MYLK: variants seen among roughly 807,000 people sequenced by gnomAD.
The protein encoded by MYLK is myosin light chain kinase.
Under a neutral mutation model 203.4 loss-of-function variants are expected in MYLK, and 106 were observed. The ratio of observed to expected loss-of-function variants is 0.52; its 90% CI spans 0.45 to 0.61. The LOEUF (loss-of-function observed/expected upper bound fraction) is 0.61, where lower values mean the gene tolerates loss of function less well. MYLK is among the 20% of genes least tolerant of loss of function. The pLI is 0.00. For missense variants in MYLK, 2,072 were observed against 2,442.3 expected (o/e 0.85, Z 3.20); for synonymous variants, 867 against 959.5 (o/e 0.90, Z 1.78).
intron 27 of MYLK, among the ~76,000 whole-genome samples, chr3:123,644,031 T>A (rs2058928788): frequency 6.6e-6 from 1 of 152,190 alleles, no homozygotes; most frequent in Non-Finnish European, 1.5e-5. Flanking sequence ...CCAACTACTA[T>A]ATGGTGGGGG....
At chr3:123,751,670 C>T (rs750280347) in intron 5 of MYLK, among the ~76,000 whole-genome samples, 29 of 152,138 alleles carry the variant, frequency 1.9e-4, no homozygotes, top group Non-Finnish European at 3.8e-4. Context: ...AGAGAAAGTC[C>T]ATCTCCTCCT....
intron 4 of MYLK, among the ~76,000 whole-genome samples, chr3:123,765,669 T>C (rs1444264909): frequency 6.6e-6 from 1 of 151,994 alleles, no homozygotes; most frequent in Non-Finnish European, 1.5e-5. Context: ...AAGCAAAATA[T>C]GATATATGTG....
At chr3:123,657,991 A>G (rs2059444156) in intron 23 of MYLK, among the ~76,000 whole-genome samples, 1 of 152,228 alleles carries the variant, frequency 6.6e-6, no homozygotes, top group Admixed American at 6.5e-5. Context: ...GTCCCCACAC[A>G]GTAGCTGTTA....
chr3:123,768,135 G>C (rs2063763879), intron 4 of MYLK, among the ~76,000 whole-genome samples: 1 of 152,194 alleles, frequency 6.6e-6, no homozygotes, highest in Non-Finnish European at 1.5e-5. Flanking sequence ...CAGCCCAAAA[G>C]AAGCAGGCAT....
At chr3:123,670,063 A>G (rs1451248154) in intron 20 of MYLK, among the ~76,000 whole-genome samples, 1 of 151,160 alleles carries the variant, frequency 6.6e-6, no homozygotes, top group Non-Finnish European at 1.5e-5. Context: ...AAAAGCAAAC[A>G]TAGTAAAATG....
intron 3 of MYLK, among the ~76,000 whole-genome samples, chr3:123,810,995 G>A (rs1426664751): frequency 1.3e-5 from 2 of 152,152 alleles, no homozygotes; most frequent in Non-Finnish European, 2.9e-5. Flanking sequence ...GCTAACACAT[G>A]TTTCTCCTTT....
At chr3:123,840,370 T>TTATATATATA (rs56361020) in intron 2 of MYLK, among the ~76,000 whole-genome samples, 13 of 148,628 alleles carry the variant, frequency 8.7e-5, no homozygotes, top group African/African-American at 3.2e-4. Flanking sequence ...CCTACAGACA[T>TTATATATATA]TATATATATA....
chr3:123,743,410 A>G (rs1012357396), intron 5 of MYLK, among the ~76,000 whole-genome samples: 6 of 152,224 alleles, frequency 3.9e-5, no homozygotes, highest in African/African-American at 1.4e-4. Flanking sequence ...GTTCACATCA[A>G]GACAAAAAGA....
At chr3:123,694,390 C>T (rs1243185616) in intron 18 of MYLK, among the ~76,000 whole-genome samples, 1 of 152,034 alleles carries the variant, frequency 6.6e-6, no homozygotes, top group East Asian at 1.9e-4. Context: ...GAGTAAGAAT[C>T]GTGAGGCACA....
At chr3:123,682,182 C>G in intron 20 of MYLK, 42 bp downstream of exon 20, 1 of 1,527,002 alleles carries the variant, frequency 6.5e-7, no homozygotes, top group Non-Finnish European at 9.0e-7. Context: ...GGTGCCTGCC[C>G]CTGCCTCTGC....
chr3:123,815,205 G>C (rs2065707715), intron 3 of MYLK, among the ~76,000 whole-genome samples: 1 of 152,142 alleles, frequency 6.6e-6, no homozygotes, highest in African/African-American at 2.4e-5. Context: ...AGGTCCTCTT[G>C]ATTCCTGTCA....
At chr3:123,799,186 C>T (rs1481748416) in intron 3 of MYLK, among the ~76,000 whole-genome samples, 1 of 151,790 alleles carries the variant, frequency 6.6e-6, no homozygotes, top group Non-Finnish European at 1.5e-5. Context: ...CCCCCTTACC[C>T]CTCACCCCTC....
Position 123,846,241 on chromosome 3 carries a change from T to C in MYLK, c.-126-14571A>G, listed in dbSNP as rs375914987. ...CGTAAGAACCATTATAAACTCATTG[T>C]TTTATCATTCCCAGACATGTTTGTG... On this transcript the variant is annotated intron_variant, in intron 2 of 33. Transcript: ENST00000360304. Among the ~76,000 whole-genome samples the C allele has an allele frequency of 7.2e-5, 11 of 152,334 alleles. No homozygotes were observed. In the South Asian group the frequency reaches 8.3e-4, roughly 11 times the overall value.
At chr3:123,831,497 G>T in intron 3 of MYLK, 51 bp downstream of exon 3, 3 of 1,146,644 alleles carry the variant, frequency 2.6e-6, no homozygotes, top group Non-Finnish European at 3.5e-6. Flanking sequence ...CCTCCCCAGG[G>T]TGGACTGAGG....
At chr3:123,703,419 C>T (rs1263834163) in intron 16 of MYLK, among the ~76,000 whole-genome samples, 2 of 152,182 alleles carry the variant, frequency 1.3e-5, no homozygotes, top group Non-Finnish European at 2.9e-5. Context: ...TCTTTCACTC[C>T]TCTCTCCTCC....
chr3:123,769,294 A>G (rs1299207057), intron 4 of MYLK, among the ~76,000 whole-genome samples: 2 of 152,266 alleles, frequency 1.3e-5, no homozygotes, highest in Non-Finnish European at 1.5e-5. Flanking sequence ...ATATTTGGAT[A>G]ACTTTACTGG....
In MYLK at chr3:123,740,010, A is replaced by T; in HGVS notation, c.374-9T>A. 6.2e-7 allele frequency: 1 copy of T among 1,613,814 alleles called. No homozygotes were observed. The highest frequency in any genetic ancestry group is 1.1e-5 in the South Asian group (1 of 91,056). ...CTGCTTCGCAAAACTTCCTGCAAGA[A>T]AAAGAGTTGATGAGTCAGGTCTGAG... is the stretch of plus-strand genomic sequence containing the variant. On this transcript the variant is annotated splice_polypyrimidine_tract_variant and intron_variant, in intron 5 of 33. Transcript: ENST00000360304.
At chr3:123,775,612 C>A (rs1451252265) in intron 4 of MYLK, among the ~76,000 whole-genome samples, 1 of 151,966 alleles carries the variant, frequency 6.6e-6, no homozygotes, top group African/African-American at 2.4e-5. Context: ...GACAAATTGA[C>A]AAATATACTC....
At chr3:123,827,769 T>G (rs2148610411) in intron 3 of MYLK, among the ~76,000 whole-genome samples, 1 of 103,242 alleles carries the variant, frequency 9.7e-6, no homozygotes. Context: ...CCAAAAAACT[T>G]AGAACTGATA....
Sources: gnomAD v4.1 joint callset for allele counts (sites outside exome capture counted in the v4.1 genomes callset) on GRCh38, gnomAD v4.1.1 for gene constraint, MANE v1.5 for transcripts, NCBI Gene and HGNC (gene_info 2026-07-23, HGNC 2026-07-21) for gene names.